GALNTL6: variants seen among roughly 807,000 people sequenced by gnomAD.
GALNTL6 encodes the protein polypeptide N-acetylgalactosaminyltransferase like 6.
GALNTL6 carries 46 observed loss-of-function variants against 73.7 expected under a neutral mutation model. The ratio of observed to expected loss-of-function variants is 0.62; its 90% CI spans 0.49 to 0.80. The LOEUF is 0.80. Ranked by LOEUF, GALNTL6 falls within the 30% of genes least tolerant of loss-of-function variation. The pLI is 0.00. For synonymous variants in GALNTL6, 259 were observed against 263.7 expected (o/e 0.98, Z 0.17); for missense variants, 604 against 755.0 (o/e 0.80, Z 2.34).
intron 2 of GALNTL6, among the ~76,000 whole-genome samples, chr4:172,140,020 C>G (rs1056635542): frequency 6.6e-6 from 1 of 151,424 alleles, no homozygotes; most frequent in South Asian, 2.1e-4. Context: ...TTATTACATG[C>G]ACTTTCCAAA....
intron 5 of GALNTL6, among the ~76,000 whole-genome samples, chr4:172,451,197 G>C (rs1379283008): frequency 6.6e-6 from 1 of 152,188 alleles, no homozygotes; most frequent in Non-Finnish European, 1.5e-5. Context: ...GTTCCATTTT[G>C]TGAGTCATCT....
At chr4:172,179,320 G>A (rs1324998911) in intron 2 of GALNTL6, among the ~76,000 whole-genome samples, 2 of 150,838 alleles carry the variant, frequency 1.3e-5, no homozygotes, top group East Asian at 3.9e-4. Flanking sequence ...AGCACCTGTT[G>A]TTTCCTGACT....
At chr4:172,650,304 TA>T (rs1459261608) in intron 5 of GALNTL6, among the ~76,000 whole-genome samples, 8 of 152,252 alleles carry the variant, frequency 5.3e-5, no homozygotes, top group African/African-American at 1.7e-4. Flanking sequence ...TTGAGTTTTG[TA>T]TAAGAAGAAA....
At chr4:172,141,959 C>A (rs1733814889) in intron 2 of GALNTL6, among the ~76,000 whole-genome samples, 1 of 151,160 alleles carries the variant, frequency 6.6e-6, no homozygotes, top group Admixed American at 6.6e-5. Context: ...CAAAGCAAAA[C>A]TGAGAAAAAT....
At chr4:171,911,790 T>G (rs866879137) in intron 2 of GALNTL6, among the ~76,000 whole-genome samples, 9 of 152,202 alleles carry the variant, frequency 5.9e-5, no homozygotes, top group Non-Finnish European at 1.0e-4. Flanking sequence ...TTATATTTAT[T>G]TATGGATAAT....
chr4:172,104,927 T>C (rs2067512), intron 2 of GALNTL6, among the ~76,000 whole-genome samples: 61,665 of 151,972 alleles, frequency 0.41, 13,066 homozygotes, highest in African/African-American at 0.5. Context: ...CTGATGAATT[T>C]CATAAAAAAC....
intron 2 of GALNTL6, among the ~76,000 whole-genome samples, chr4:171,964,801 G>C (rs180816260): frequency 6.6e-6 from 1 of 152,060 alleles, no homozygotes; most frequent in African/African-American, 2.4e-5. Flanking sequence ...TCTGGCGGTC[G>C]ACCTTGGACA....
At chr4:172,158,429 G>A (rs570382111) in intron 2 of GALNTL6, among the ~76,000 whole-genome samples, 1 of 151,826 alleles carries the variant, frequency 6.6e-6, no homozygotes, top group East Asian at 1.9e-4. Flanking sequence ...AAAAAAAACA[G>A]CTAGCAAACT....
chr4:172,728,516 G>A lies in GALNTL6; in HGVS notation c.554-80845G>A, dbSNP rs1040768591. Among the ~76,000 whole-genome samples the A allele has an allele frequency of 3.3e-5, 5 of 151,704 alleles. No individual in the cohort carries two copies. The East Asian group carries it at 9.7e-4, about 29-fold the overall frequency. ...TGTACATATACAATGAAATATATAT[G>A]TACATATACAATGAAATATATATGT... On this transcript the variant is annotated intron_variant, in intron 5 of 12. Transcript: ENST00000506823.
intron 8 of GALNTL6, among the ~76,000 whole-genome samples, chr4:172,908,591 A>G (rs1747027250): frequency 6.7e-6 from 1 of 148,984 alleles, no homozygotes; most frequent in Non-Finnish European, 1.5e-5. Context: ...TTGCCTGGGT[A>G]AAATATGCAT....
chr4:172,295,516 C>G (rs867122515), intron 3 of GALNTL6, among the ~76,000 whole-genome samples: 5 of 104,144 alleles, frequency 4.8e-5, no homozygotes, highest in South Asian at 3.2e-4. Flanking sequence ...GTTTTTTCTT[C>G]TTTTCTTTTT....
intron 2 of GALNTL6, among the ~76,000 whole-genome samples, chr4:172,141,589 A>G (rs1056384859): frequency 1.3e-5 from 2 of 151,956 alleles, no homozygotes; most frequent in African/African-American, 4.8e-5. Flanking sequence ...TTATTTTAAT[A>G]TTTTAAACTC....
intron 8 of GALNTL6, among the ~76,000 whole-genome samples, chr4:172,920,858 G>C (rs1232768655): frequency 6.6e-6 from 1 of 152,180 alleles, no homozygotes. Flanking sequence ...AGAGTACCAT[G>C]TGTCAGGCAC....
At chr4:172,549,623 G>A (rs1735887388) in intron 5 of GALNTL6, among the ~76,000 whole-genome samples, 3 of 151,624 alleles carry the variant, frequency 2.0e-5, no homozygotes, top group Non-Finnish European at 4.4e-5. Flanking sequence ...ATAACAAAAT[G>A]TTGCTTATTT....
chr4:172,088,330 G>T (rs1428561581), intron 2 of GALNTL6, among the ~76,000 whole-genome samples: 5 of 152,166 alleles, frequency 3.3e-5, no homozygotes, highest in East Asian at 1.9e-4. Context: ...AGGGGTGAAG[G>T]TTCACTGAAA....
chr4:172,646,461 T>A (rs1168356074), intron 5 of GALNTL6, among the ~76,000 whole-genome samples: 1 of 152,092 alleles, frequency 6.6e-6, no homozygotes, highest in Non-Finnish European at 1.5e-5. Context: ...CTAAAAATAT[T>A]GTGAATGTTG....
intron 5 of GALNTL6, among the ~76,000 whole-genome samples, chr4:172,413,655 G>GT (rs70944408): frequency 5.2e-4 from 66 of 126,196 alleles, no homozygotes; most frequent in South Asian, 1.3e-3. Flanking sequence ...CTTTGTATTA[G>GT]TTTTTTTTTT....
chr4:171,907,050 CA>C (rs1397938189), intron 2 of GALNTL6, among the ~76,000 whole-genome samples: 13 of 152,046 alleles, frequency 8.6e-5, no homozygotes, highest in Non-Finnish European at 1.9e-4. Flanking sequence ...ACTGAATGGG[CA>C]AAAACTGGAA....
intron 2 of GALNTL6, among the ~76,000 whole-genome samples, chr4:171,933,758 G>C (rs777843176): frequency 6.6e-6 from 1 of 151,970 alleles, no homozygotes; most frequent in Non-Finnish European, 1.5e-5. Context: ...TTAACTAGTA[G>C]CAGTCACACG....
Sources: gnomAD v4.1 joint callset for allele counts (sites outside exome capture counted in the v4.1 genomes callset) on GRCh38, gnomAD v4.1.1 for gene constraint, MANE v1.5 for transcripts, NCBI Gene and HGNC (gene_info 2026-07-23, HGNC 2026-07-21) for gene names.